The following ADGRV1 variants were observed in gnomAD, a reference collection of about 807,000 sequenced individuals.
ADGRV1 encodes the protein adhesion G protein-coupled receptor V1.
A neutral mutation model predicts 596.2 loss-of-function variants in ADGRV1; 359 were observed. That is an observed-to-expected ratio of 0.60 (90% CI 0.55 to 0.66). The LOEUF is 0.66. Ranked by LOEUF, ADGRV1 falls within the 30% of genes least tolerant of loss-of-function variation. ADGRV1 has a pLI of 0.00. For missense variants in ADGRV1, 7,274 were observed against 7,575.6 expected (o/e 0.96, Z 1.48); for synonymous variants, 2,681 against 2,679.2 (o/e 1.00, Z -0.02).
intron 85 of ADGRV1, among the ~76,000 whole-genome samples, chr5:91,043,028 C>T (rs1404551172): frequency 1.3e-5 from 2 of 152,056 alleles, no homozygotes; most frequent in African/African-American, 4.8e-5. Flanking sequence ...ACAGTCTGAG[C>T]TTTGTATGGT....
At chr5:90,988,784 TC>T (rs1301453162) in intron 85 of ADGRV1, among the ~76,000 whole-genome samples, 40 of 92,142 alleles carry the variant, frequency 4.3e-4, no homozygotes, top group African/African-American at 1.7e-3. Context: ...ATGCTATCCC[TC>T]CCCCCTCCCC....
intron 84 of ADGRV1, among the ~76,000 whole-genome samples, chr5:90,966,474 G>A (rs1778469627): frequency 7.2e-6 from 1 of 138,766 alleles, no homozygotes. Flanking sequence ...GGAGGTTGCA[G>A]TAAGCCGAAA....
intron 1 of ADGRV1, chr5:90,614,154 TGA>T: frequency 3.8e-6 from 1 of 265,200 alleles, no homozygotes; most frequent in Non-Finnish European, 6.6e-6. Context: ...CATATCATAG[TGA>T]AAAAAAAAAA....
Position 90,622,577 on chromosome 5 carries a change from G to A in ADGRV1, c.454-20G>A. The A allele has an allele frequency of 7.9e-7, 1 of 1,272,566 alleles. No homozygotes were observed. The highest frequency in any genetic ancestry group is 2.8e-5 in the East Asian group (1 of 36,362). The allele number at this position is 1,272,566 out of a possible 1,614,324, so 78.8% of individuals were successfully genotyped here. On this transcript the variant is annotated intron_variant, in intron 4 of 89. Coordinates refer to ENST00000405460, the MANE Select transcript of ADGRV1 (RefSeq NM_032119.4). ...CTGATTGCTCAGCTCCTGATCATCT[G>A]TGCTTGCTTTCCTCAATAGCTTCCC...
intron 73 of ADGRV1, among the ~76,000 whole-genome samples, chr5:90,809,036 T>C (rs1272642713): frequency 6.8e-6 from 1 of 148,092 alleles, no homozygotes; most frequent in Non-Finnish European, 1.5e-5. Flanking sequence ...AAGCTCCGCC[T>C]CCCGGGTTCA....
intron 45 of ADGRV1, among the ~76,000 whole-genome samples, chr5:90,723,142 G>A (rs1751306584): frequency 6.6e-6 from 1 of 152,176 alleles, no homozygotes. Flanking sequence ...TGTATAGAAA[G>A]ATGGGGAATT....
At chr5:90,581,244 A>T (rs1266315857) in intron 1 of ADGRV1, among the ~76,000 whole-genome samples, 1 of 152,162 alleles carries the variant, frequency 6.6e-6, no homozygotes, top group Non-Finnish European at 1.5e-5. Flanking sequence ...GACCTTCTGA[A>T]GCCTACTTCT....
intron 1 of ADGRV1, among the ~76,000 whole-genome samples, chr5:90,563,349 A>T (rs1463691339): frequency 6.6e-6 from 1 of 152,224 alleles, no homozygotes; most frequent in Non-Finnish European, 1.5e-5. Context: ...AATCCTTTCC[A>T]AGTAGCCTTC....
intron 83 of ADGRV1, among the ~76,000 whole-genome samples, chr5:90,915,245 C>T (rs1366212474): frequency 6.6e-6 from 1 of 151,938 alleles, no homozygotes; most frequent in Non-Finnish European, 1.5e-5. Flanking sequence ...TCTTAATTAT[C>T]GTTTGTATAG....
intron 62 of ADGRV1, 87 bp downstream of exon 62, chr5:90,778,130 T>C: frequency 7.1e-7 from 1 of 1,402,892 alleles, no homozygotes; most frequent in South Asian, 1.4e-5. Flanking sequence ...TGTGTGGGTG[T>C]GTTTGTGTGT....
chr5:90,661,306 TTA>T (rs1385462744), intron 21 of ADGRV1, among the ~76,000 whole-genome samples: 1 of 152,220 alleles, frequency 6.6e-6, no homozygotes, highest in Non-Finnish European at 1.5e-5. Context: ...AATACTTGCA[TTA>T]TATGTTATAT....
At chr5:90,742,655 G>A (rs1273944475) in intron 50 of ADGRV1, among the ~76,000 whole-genome samples, 1 of 152,172 alleles carries the variant, frequency 6.6e-6, no homozygotes, top group African/African-American at 2.4e-5. Flanking sequence ...ATGTGTGGCT[G>A]CCATGGAGGA....
intron 83 of ADGRV1, among the ~76,000 whole-genome samples, chr5:90,913,395 C>G (rs2150701409): frequency 6.6e-6 from 1 of 152,248 alleles, no homozygotes; most frequent in South Asian, 2.1e-4. Flanking sequence ...CAATATTTAT[C>G]ATTTTCTTAG....
chr5:91,128,467 A>T (rs551997848), intron 87 of ADGRV1, among the ~76,000 whole-genome samples: 1 of 152,132 alleles, frequency 6.6e-6, no homozygotes, highest in South Asian at 2.1e-4. Flanking sequence ...CTATGCGTTT[A>T]ACCTCTGTGT....
Position 90,745,673 on chromosome 5 carries a change from G to C in ADGRV1, c.10852G>C (p.Glu3618Gln). The change falls in exon 52 of 90, where the codon GAA becomes CAA. Residue 3618 changes from glutamate (E) to glutamine (Q), a missense_variant. Coordinates refer to ENST00000405460, the MANE Select transcript of ADGRV1 (RefSeq NM_032119.4). ...CCTTGATGATACAGTTCCAGAAAAA[G>C]AAGAATCCTTCAAAGTTCAACTTAA... Reference protein sequence around the residue: ...NILDDTVPEKEESFKVQLKNP... With the variant: ...NILDDTVPEKQESFKVQLKNP... 1 of 1,612,646 alleles carries C rather than the reference G, an allele frequency of 6.2e-7. No homozygotes were observed. Among genetic ancestry groups the C allele is most frequent in the South Asian group, 1.1e-5 (1 of 91,056 alleles).
rs528813471 is a variant in ADGRV1, at chr5:90,978,096, A to T, written c.17974-7248A>T. The stretch of plus-strand genomic sequence containing the variant: ...GGGATCATGAGGTCAGGAGATCGAG[A>T]CCATCCTGGCTAACACAGTGAAACC... On this transcript the variant is annotated intron_variant, in intron 84 of 89. Coordinates refer to ENST00000405460, the MANE Select transcript of ADGRV1 (RefSeq NM_032119.4). Among the ~76,000 whole-genome samples the T allele has an allele frequency of 1.6e-3, 243 of 152,096 alleles. 2 individuals carry two copies. The highest frequency in any genetic ancestry group is 5.4e-3 in the African/African-American group (222 of 41,492).
At chr5:91,012,406 T>C (rs1270454948) in intron 85 of ADGRV1, among the ~76,000 whole-genome samples, 2 of 152,034 alleles carry the variant, frequency 1.3e-5, no homozygotes, top group African/African-American at 4.8e-5. Flanking sequence ...ATTAAAATCA[T>C]ATTCTTTAGA....
chr5:90,826,242 CA>C (rs1255253197), intron 76 of ADGRV1, among the ~76,000 whole-genome samples: 2 of 152,134 alleles, frequency 1.3e-5, no homozygotes, highest in African/African-American at 4.8e-5. Flanking sequence ...TGTTCTGTGA[CA>C]ATATTCTTCT....
chr5:90,860,488 C>T (rs1020348903), intron 82 of ADGRV1, among the ~76,000 whole-genome samples: 2 of 151,790 alleles, frequency 1.3e-5, no homozygotes, highest in Non-Finnish European at 2.9e-5. Flanking sequence ...TTGGTAGAGA[C>T]GGGGTTTTGT....
Sources: gnomAD v4.1 joint callset for allele counts (sites outside exome capture counted in the v4.1 genomes callset) on GRCh38, gnomAD v4.1.1 for gene constraint, MANE v1.5 for transcripts, NCBI Gene and HGNC (gene_info 2026-07-23, HGNC 2026-07-21) for gene names.